VWF: variants seen among roughly 807,000 people sequenced by gnomAD.
The protein encoded by VWF is von Willebrand factor.
VWF carries 176 observed loss-of-function variants against 308.6 expected under a neutral mutation model. The ratio of observed to expected loss-of-function variants is 0.57; its 90% CI spans 0.50 to 0.65. VWF has a LOEUF of 0.65. Among genes scored for constraint, VWF ranks in the 30% least tolerant of loss-of-function variants. The pLI is 0.00. For missense variants in VWF, 3,146 were observed against 3,648.2 expected (o/e 0.86, Z 3.55); for synonymous variants, 1,385 against 1,443.4 (o/e 0.96, Z 0.92).
At chr12:6,044,478 G>T in intron 17 of VWF, 27 bp from the exon 18 acceptor site, 1 of 1,611,898 alleles carries the variant, frequency 6.2e-7, no homozygotes, top group Non-Finnish European at 8.5e-7. Flanking sequence ...GCAAAGAGAT[G>T]ATTAGTGAAG....
chr12:5,996,975 A>T (rs1220700486), intron 34 of VWF, among the ~76,000 whole-genome samples: 1 of 152,200 alleles, frequency 6.6e-6, no homozygotes, highest in Non-Finnish European at 1.5e-5. Context: ...AGTTGGAGAT[A>T]AGCTTTCCAG....
chr12:6,098,021 T>C lies in VWF; in HGVS notation c.533-2437A>G, dbSNP rs78075090. 9.6e-4 allele frequency among the ~76,000 whole-genome samples: 147 copies of C among 152,364 alleles called. 2 individuals are homozygous for C. The East Asian group carries it at 0.027, about 28-fold the overall frequency. ...ACTAGATGACTTCTAGGGTCGTTTT[T>C]AGCCCTGACCATCTATGAAGTGAAA... On this transcript the variant is annotated intron_variant, in intron 5 of 51. Coordinates refer to ENST00000261405, the MANE Select transcript of VWF (RefSeq NM_000552.5).
chr12:6,019,142 G>A lies in VWF; in HGVS notation c.4276C>T (p.Arg1426Cys), dbSNP rs555366738. 6.2e-6 allele frequency: 10 copies of A among 1,613,908 alleles called. No individual in the cohort carries two copies. The highest frequency in any genetic ancestry group is 4.5e-5 in the East Asian group (2 of 44,862). The change falls in exon 28 of 52, where the codon CGC becomes TGC. Residue 1426 changes from arginine to cysteine, a missense_variant. Arg to Cys is a radical substitution (Grantham distance 180). Transcript: ENST00000261405. This position sits in a 1 kb window ranked among gnomAD's most constrained non-coding sequence, Gnocchi z 5.8. ...TCAGGGGCCTGCTTCTCGATGAGGC[G>A]GATCTGCTTGAGGTTGGCATGGGGC... Reference protein sequence around the residue: ...IGPHANLKQIRLIEKQAPENK... With the variant: ...IGPHANLKQICLIEKQAPENK...
chr12:6,029,087 CAAA>C (rs71445694), intron 22 of VWF, among the ~76,000 whole-genome samples: 3 of 130,506 alleles, frequency 2.3e-5, no homozygotes, highest in Middle Eastern at 4.3e-3. Flanking sequence ...AAATGGAAGG[CAAA>C]AAAAAAAAAG....
chr12:5,996,245 T>A, intron 34 of VWF, 23 bp from the exon 35 acceptor site: 1 of 1,595,734 alleles, frequency 6.3e-7, no homozygotes, highest in Non-Finnish European at 8.5e-7. Context: ...AAGCAGAGGA[T>A]GGATGCGACG....
At chr12:6,123,035 G>A (rs1337027466) in intron 2 of VWF, 107 bp downstream of exon 2, 3 of 1,430,844 alleles carry the variant, frequency 2.1e-6, no homozygotes, top group Admixed American at 3.3e-5. Flanking sequence ...CCTAAGTTAG[G>A]GCTGGGCACA....
rs1943428322 is a variant in VWF, at chr12:5,968,271, C to T, written c.7730-104G>A. The T allele has an allele frequency of 5.6e-6, 8 of 1,421,914 alleles. 1 individual carries two copies. In the South Asian group the frequency reaches 8.4e-5, roughly 15 times the overall value. The allele number at this position is 1,421,914 out of a possible 1,614,324, so 88.1% of individuals were successfully genotyped here. ...GGCTCCTCCTCCGTGTCTGGGCCTC[C>T]CTCCTGTATCGGTCGGCCCTTTCCC... On this transcript the variant is annotated intron_variant, in intron 45 of 51. Coordinates refer to ENST00000261405, the MANE Select transcript of VWF (RefSeq NM_000552.5).
intron 51 of VWF, 23 bp downstream of exon 51, chr12:5,949,763 C>A (rs372869480): frequency 6.2e-7 from 1 of 1,611,556 alleles, no homozygotes. Flanking sequence ...CACACCCAGC[C>A]CTTATTGAAG....
intron 42 of VWF, 122 bp from the exon 43 acceptor site, chr12:5,976,382 T>C: frequency 7.8e-7 from 1 of 1,289,780 alleles, no homozygotes; most frequent in Non-Finnish European, 1.1e-6. Flanking sequence ...AAACCAAATG[T>C]GGTCTCCGCC....
chr12:6,025,039 G>C (rs1332344092), intron 24 of VWF, among the ~76,000 whole-genome samples: 4 of 143,422 alleles, frequency 2.8e-5, no homozygotes, highest in Admixed American at 7.0e-5. Context: ...AAAAAAAAAA[G>C]AGAGAGACAA....
intron 6 of VWF, among the ~76,000 whole-genome samples, chr12:6,077,608 A>G (rs1320725522): frequency 6.6e-6 from 1 of 152,200 alleles, no homozygotes; most frequent in Non-Finnish European, 1.5e-5. Context: ...CAGAGTGAGA[A>G]TGACCTGTGG....
intron 13 of VWF, among the ~76,000 whole-genome samples, chr12:6,061,465 T>C (rs1051876014): frequency 8.0e-5 from 9 of 113,118 alleles, no homozygotes; most frequent in Non-Finnish European, 1.5e-4. Context: ...TTTATTTTCA[T>C]AAAAGGAAAA....
chr12:6,011,585 C>A (rs767170933), intron 34 of VWF, 32 bp downstream of exon 34: 1 of 1,567,932 alleles, frequency 6.4e-7, no homozygotes, highest in Non-Finnish European at 8.6e-7. Flanking sequence ...GCCCCTTTGA[C>A]GCTGCCCTGG....
intron 47 of VWF, among the ~76,000 whole-genome samples, chr12:5,961,213 T>C (rs578055589): frequency 1.3e-5 from 2 of 152,332 alleles, no homozygotes; most frequent in South Asian, 4.1e-4. Context: ...TATTTCATTA[T>C]ATATTACAAT....
At chr12:6,067,618 G>A (rs1944731413) in intron 10 of VWF, among the ~76,000 whole-genome samples, 1 of 152,216 alleles carries the variant, frequency 6.6e-6, no homozygotes, top group Non-Finnish European at 1.5e-5. Context: ...TGAGCTGCCA[G>A]GTAGCCGTTA....
intron 40 of VWF, 124 bp from the exon 41 acceptor site, chr12:5,983,378 G>A (rs1212118883): frequency 7.4e-5 from 58 of 780,562 alleles, no homozygotes; most frequent in Non-Finnish European, 1.1e-4. Flanking sequence ...TGATGATGAT[G>A]GAGACAGAGA....
At position 6,111,099 on chromosome 12, in the gene VWF, C is replaced by A. The variant is rs559247447; in HGVS notation, c.221-131G>T. On this transcript the variant is annotated intron_variant, in intron 3 of 51. Coordinates refer to ENST00000261405, the MANE Select transcript of VWF (RefSeq NM_000552.5). Reference sequence around the variant, plus strand: ...CCAAAAAGTCTTTACAAGCGAGCAACAAAAATCTCCCTAAAAATCTCATTT... The same window carrying A: ...CCAAAAAGTCTTTACAAGCGAGCAAAAAAAATCTCCCTAAAAATCTCATTT... 88 of 747,618 alleles carry A rather than the reference C, an allele frequency of 1.2e-4. No individual in the cohort carries two copies. In the African/African-American group the frequency reaches 1.3e-3, roughly 11 times the overall value. The allele number at this position is 747,618 out of a possible 1,614,324, so 46.3% of individuals were successfully genotyped here. A position where few individuals can be genotyped will look rare whatever the true frequency, so the allele number is the denominator to read the frequency against.
At chr12:5,999,473 C>CACACAT (rs1943848339) in intron 34 of VWF, among the ~76,000 whole-genome samples, 1 of 138,268 alleles carries the variant, frequency 7.2e-6, no homozygotes, top group Non-Finnish European at 1.6e-5. Flanking sequence ...TACACACATA[C>CACACAT]ACACACACAC....
At chr12:6,118,256 G>A (rs1294083613) in intron 3 of VWF, among the ~76,000 whole-genome samples, 3 of 152,000 alleles carry the variant, frequency 2.0e-5, no homozygotes, top group Admixed American at 6.6e-5. Context: ...TTACCAGCCC[G>A]TCTCGGGGCA....
Sources: gnomAD v4.1 joint callset for allele counts (sites outside exome capture counted in the v4.1 genomes callset) on GRCh38, gnomAD v4.1.1 for gene constraint, Gnocchi (gnomAD v3.1) non-coding constraint, MANE v1.5 for transcripts, NCBI Gene and HGNC (gene_info 2026-07-23, HGNC 2026-07-21) for gene names.